Variants in MAP4 observed in about 807,000 individuals in gnomAD.
The protein encoded by MAP4 is microtubule associated protein 4, also known as microtubule-associated protein 4.
Under a neutral mutation model 170.2 loss-of-function variants are expected in MAP4, and 76 were observed. The ratio of observed to expected loss-of-function variants is 0.45; its 90% CI spans 0.37 to 0.54. The LOEUF (loss-of-function observed/expected upper bound fraction) is 0.54, where lower values mean the gene tolerates loss of function less well. Among genes scored for constraint, MAP4 ranks in the 20% least tolerant of loss-of-function variants. The pLI, the probability that MAP4 is intolerant of heterozygous loss-of-function variation, is 0.00. For missense variants in MAP4, 2,506 were observed against 2,748.0 expected, an observed-to-expected ratio of 0.91 and a Z score of 1.97; for synonymous variants, 909 against 994.5, an observed-to-expected ratio of 0.91 and a Z score of 1.62.
chr3:48,065,513 TTATAAGACA>T (rs140202070), intron 1 of MAP4, among the ~76,000 whole-genome samples: 3,989 of 152,268 alleles, frequency 0.026, 172 homozygotes, highest in African/African-American at 0.09. Context: ...AAGTTAAGCC[TTATAAGACA>T]CCCCACCATA....
At chr3:47,968,938 G>A (rs1025952728) in intron 3 of MAP4, among the ~76,000 whole-genome samples, 7 of 152,050 alleles carry the variant, frequency 4.6e-5, no homozygotes, top group Admixed American at 3.9e-4. Context: ...AATAAAAAAG[G>A]TTTATAAGGG....
chr3:47,922,680 T>C (rs2100043584), intron 4 of MAP4, among the ~76,000 whole-genome samples: 1 of 151,730 alleles, frequency 6.6e-6, no homozygotes, highest in Non-Finnish European at 1.5e-5. Context: ...ACAGAAGAAA[T>C]AAACTCTTGA....
intron 1 of MAP4, among the ~76,000 whole-genome samples, chr3:48,033,927 T>G (rs2100117468): frequency 1.3e-5 from 2 of 152,176 alleles, no homozygotes; most frequent in South Asian, 4.1e-4. Context: ...AAAGATGCAC[T>G]AATCCAAATG....
intron 1 of MAP4, among the ~76,000 whole-genome samples, chr3:48,049,485 T>C (rs990710949): frequency 1.3e-5 from 2 of 151,466 alleles, no homozygotes; most frequent in African/African-American, 4.9e-5. Context: ...CCGGGCATGA[T>C]AGTGCATACC....
intron 1 of MAP4, among the ~76,000 whole-genome samples, chr3:48,036,622 T>C (rs1229740480): frequency 6.6e-6 from 1 of 152,146 alleles, no homozygotes; most frequent in Non-Finnish European, 1.5e-5. Flanking sequence ...ACGAGGCTGT[T>C]CTTTCTATGT....
chr3:48,043,453 A>G (rs1250983611), intron 1 of MAP4, among the ~76,000 whole-genome samples: 1 of 151,898 alleles, frequency 6.6e-6, no homozygotes, highest in East Asian at 1.9e-4. Flanking sequence ...ATATATCTCA[A>G]CAAAACTGTT....
intron 3 of MAP4, among the ~76,000 whole-genome samples, chr3:47,942,376 A>C (rs1217991786): frequency 6.6e-6 from 1 of 152,020 alleles, no homozygotes; most frequent in Admixed American, 6.6e-5. Flanking sequence ...TAAATTAAAA[A>C]CTTTTTTTTC....
At chr3:48,049,000 T>C (rs2100126089) in intron 1 of MAP4, among the ~76,000 whole-genome samples, 1 of 152,236 alleles carries the variant, frequency 6.6e-6, no homozygotes, top group African/African-American at 2.4e-5. Flanking sequence ...TTTGAGAATG[T>C]CATATAAATG....
At position 47,945,077 on chromosome 3, in the gene MAP4, G is replaced by T. The variant is rs9847722; in HGVS notation, c.293-16727C>A. On this transcript the variant is annotated intron_variant, in intron 3 of 20. Coordinates refer to ENST00000683076, the MANE Select transcript of MAP4 (RefSeq NM_001385682.1). Reference sequence around the variant, plus strand: ...CAGATGAAATCAGATTGCTGGCCAGGCGCGGTGGCTCACACCTGTAATCCT... The same window carrying T: ...CAGATGAAATCAGATTGCTGGCCAGTCGCGGTGGCTCACACCTGTAATCCT... Among the ~76,000 whole-genome samples, 670 of 151,828 alleles carry T rather than the reference G, an allele frequency of 4.4e-3. 5 individuals carry two copies. Among genetic ancestry groups the T allele is most frequent in the South Asian group, 0.031 (150 of 4,798 alleles).
chr3:47,971,438 A>T (rs2100078700), intron 3 of MAP4, among the ~76,000 whole-genome samples: 1 of 152,230 alleles, frequency 6.6e-6, no homozygotes, highest in African/African-American at 2.4e-5. Context: ...GTGATGAAGC[A>T]CACAGAATAC....
At chr3:47,953,717 AG>A (rs770615294) in intron 3 of MAP4, among the ~76,000 whole-genome samples, 9 of 133,392 alleles carry the variant, frequency 6.7e-5, no homozygotes, top group Non-Finnish European at 1.1e-4. Context: ...TCAGGCATTG[AG>A]AAATCCATTA....
chr3:47,918,944 T>C, intron 5 of MAP4, 103 bp from the exon 6 acceptor site: 1 of 1,035,976 alleles, frequency 9.7e-7, no homozygotes, highest in Non-Finnish European at 1.4e-6. Flanking sequence ...TTGTTTTTTT[T>C]TTGAGACAGA....
At chr3:47,870,768 G>A in intron 15 of MAP4, 45 bp downstream of exon 15, 2 of 1,499,736 alleles carry the variant, frequency 1.3e-6, no homozygotes, top group East Asian at 2.3e-5. Context: ...TGGAGGGGAA[G>A]ATGCAGGGGC....
At chr3:47,943,105 T>A (rs1262064249) in intron 3 of MAP4, among the ~76,000 whole-genome samples, 1 of 151,704 alleles carries the variant, frequency 6.6e-6, no homozygotes, top group African/African-American at 2.4e-5. Flanking sequence ...CAAGACCCTG[T>A]CTCCAAAAAC....
In MAP4 at chr3:47,911,392, G is replaced by C; in HGVS notation, c.3029C>G (p.Ala1010Gly). 6.5e-7 allele frequency: 1 copy of C among 1,536,022 alleles called. No homozygotes were observed. The highest frequency in any genetic ancestry group is 8.7e-7 in the Non-Finnish European group (1 of 1,146,872). ...CTTTTTTAGTTCTTTATCCTCTTCAGCTCCTTCAGGAAACTCCTTCAGTTT... is the reference window on the plus strand; with the variant it reads ...CTTTTTTAGTTCTTTATCCTCTTCACCTCCTTCAGGAAACTCCTTCAGTTT... ...NVKLKEFPEG[A>G]EEDKELKKEA... Residue 1010 changes from alanine to glycine, a missense_variant, in exon 9 of 21, where the codon GCT becomes GGT. By Grantham distance (60) the Ala-to-Gly change is moderately conservative. Around this residue, in one of 3 missense-constraint regions of MAP4, gnomAD observed 2,008 missense variants for 2,206.0 expected, o/e 0.91. Coordinates refer to ENST00000683076, the MANE Select transcript of MAP4 (RefSeq NM_001385682.1). The surrounding 1 kb of genome is among the most constrained non-coding windows in gnomAD (Gnocchi z 4.0).
intron 1 of MAP4, among the ~76,000 whole-genome samples, chr3:48,003,815 C>T (rs1363521194): frequency 1.3e-5 from 2 of 152,110 alleles, no homozygotes; most frequent in Non-Finnish European, 1.5e-5. Flanking sequence ...AAGGCAGACA[C>T]ACCCTTAATT....
chr3:47,902,530 C>T (rs1445312488), intron 10 of MAP4, among the ~76,000 whole-genome samples: 4 of 151,658 alleles, frequency 2.6e-5, no homozygotes, highest in South Asian at 2.1e-4. Context: ...AAAAATTAGC[C>T]GGGCGTGGTG....
At chr3:48,059,269 C>T (rs1049194770) in intron 1 of MAP4, among the ~76,000 whole-genome samples, 47 of 151,754 alleles carry the variant, frequency 3.1e-4, no homozygotes, top group Non-Finnish European at 4.9e-4. Flanking sequence ...AATCCCAACA[C>T]TTTGGGAGGC....
chr3:47,905,055 T>C (rs758972518), intron 9 of MAP4, among the ~76,000 whole-genome samples: 1 of 152,252 alleles, frequency 6.6e-6, no homozygotes, highest in South Asian at 2.1e-4. Context: ...GAACAAGATA[T>C]GTGAGAATTG....
Sources: allele counts gnomAD v4.1 joint callset (sites outside exome capture counted in the v4.1 genomes callset), GRCh38; gene constraint gnomAD v4.1.1; regional missense constraint gnomAD v4.1.1; non-coding constraint Gnocchi (gnomAD v3.1); transcripts MANE v1.5; gene names NCBI Gene and HGNC (gene_info 2026-07-23, HGNC 2026-07-21).